Variants in SHISA9 observed in about 807,000 individuals in gnomAD.
SHISA9 encodes protein shisa-9.
SHISA9 carries 13 observed loss-of-function variants against 38.0 expected under a neutral mutation model. That is an observed-to-expected ratio of 0.34 (90% CI 0.22 to 0.54). SHISA9 has a LOEUF of 0.54. Ranked by LOEUF, SHISA9 falls within the 20% of genes least tolerant of loss-of-function variation. The pLI, the probability that SHISA9 is intolerant of heterozygous loss-of-function variation, is 0.91. For missense variants in SHISA9, 538 were observed against 575.8 expected, an observed-to-expected ratio of 0.93 and a Z score of 0.67; for synonymous variants, 275 against 242.0, an observed-to-expected ratio of 1.14 and a Z score of -1.27.
At chr16:12,961,505 A>G (rs573855337) in intron 2 of SHISA9, among the ~76,000 whole-genome samples, 26 of 152,282 alleles carry the variant, frequency 1.7e-4, no homozygotes, top group Non-Finnish European at 2.9e-4. Flanking sequence ...CCTCCTCACA[A>G]TGGCACGCTC....
intron 2 of SHISA9, among the ~76,000 whole-genome samples, chr16:13,159,599 A>C (rs1473266441): frequency 6.6e-6 from 1 of 152,204 alleles, no homozygotes; most frequent in Non-Finnish European, 1.5e-5. Flanking sequence ...CATTAATCAG[A>C]GCATCCTTTG....
At chr16:13,159,508 G>T (rs978218753) in intron 2 of SHISA9, among the ~76,000 whole-genome samples, 7 of 152,236 alleles carry the variant, frequency 4.6e-5, no homozygotes, top group Admixed American at 1.3e-4. Flanking sequence ...AGGATTGGGA[G>T]TAGTCTCGCT....
the SHISA9 span, among the ~76,000 whole-genome samples, chr16:13,367,710 G>GCACACACACACA: frequency 4.4e-5 from 4 of 90,578 alleles, no homozygotes; most frequent in African/African-American, 1.6e-4. Flanking sequence ...GCGCGCGCGC[G>GCACACACACACA]CGCACACACA....
chr16:13,207,007 G>A (rs1477836801), intron 3 of SHISA9, among the ~76,000 whole-genome samples: 1 of 152,184 alleles, frequency 6.6e-6, no homozygotes, highest in Non-Finnish European at 1.5e-5. Flanking sequence ...AATAACATAT[G>A]CCATTTTATT....
chr16:13,019,835 T>TCTTTCTTTTTCC lies in SHISA9; in HGVS notation c.691+103020_691+103021insCTTTCTTTTTCC, dbSNP rs1413894675. 5.3e-4 allele frequency among the ~76,000 whole-genome samples: 36 copies of TCTTTCTTTTTCC among 67,916 alleles called. 4 individuals are homozygous for TCTTTCTTTTTCC. Among genetic ancestry groups the TCTTTCTTTTTCC allele is most frequent in the South Asian group, 4.3e-3 (6 of 1,404 alleles). The allele number at this position is 67,916 out of a possible 152,430, so 44.6% of individuals were successfully genotyped here. ...TTCTTTCTTTCTTTCTTTCTTTCTTTTTCCTTCCTTCCCTCCCTCCCTCCC... is the reference window on the plus strand; with the variant it reads ...TTCTTTCTTTCTTTCTTTCTTTCTTTCTTTCTTTTTCCTTCCTTCCTTCCCTCCCTCCCTCCC... On this transcript the variant is annotated intron_variant, in intron 2 of 4. Coordinates refer to ENST00000558583, the MANE Select transcript of SHISA9 (RefSeq NM_001145204.3).
At chr16:13,167,295 C>G (rs1438170174) in intron 2 of SHISA9, among the ~76,000 whole-genome samples, 1 of 152,110 alleles carries the variant, frequency 6.6e-6, no homozygotes, top group Non-Finnish European at 1.5e-5. Context: ...TGGTATTGAA[C>G]TCCCGACCTC....
chr16:13,161,575 A>G (rs2050595377), intron 2 of SHISA9, among the ~76,000 whole-genome samples: 1 of 152,164 alleles, frequency 6.6e-6, no homozygotes, highest in Admixed American at 6.5e-5. Context: ...TTTCTGTCCC[A>G]GCCATCCCCT....
rs371232602 is a variant in SHISA9, at chr16:13,058,022, G to A, written c.691+141207G>A. 2.0e-4 allele frequency among the ~76,000 whole-genome samples: 30 copies of A among 152,310 alleles called. No individual in the cohort carries two copies. The South Asian group carries it at 2.7e-3, about 14-fold the overall frequency. ...CTGTATAATATTCCATGGTGAATAT[G>A]TTAAATAAGTGATTCTTAATCAACA... On this transcript the variant is annotated intron_variant, in intron 2 of 4. Coordinates refer to ENST00000558583, the MANE Select transcript of SHISA9 (RefSeq NM_001145204.3).
chr16:13,069,092 ATG>A lies in SHISA9; in HGVS notation c.692-134294_692-134293del, dbSNP rs199838928. Among the ~76,000 whole-genome samples the A allele has an allele frequency of 3.3e-3, 501 of 150,186 alleles. 6 individuals carry two copies. The highest frequency in any genetic ancestry group is 0.032 in the East Asian group (160 of 5,058). On this transcript the variant is annotated intron_variant, in intron 2 of 4. Coordinates refer to ENST00000558583, the MANE Select transcript of SHISA9 (RefSeq NM_001145204.3). ...GTGTACATGTGTACATGCAATGTGT[ATG>A]TGTGTGTATACATGTGTACATGCAA...
At chr16:13,072,182 G>T (rs552660748) in intron 2 of SHISA9, among the ~76,000 whole-genome samples, 1 of 152,248 alleles carries the variant, frequency 6.6e-6, no homozygotes, top group Admixed American at 6.5e-5. Context: ...TCCTCAAAGT[G>T]TCAAAGCCAC....
chr16:13,210,242 A>G (rs995055297), intron 3 of SHISA9, among the ~76,000 whole-genome samples: 1 of 152,184 alleles, frequency 6.6e-6, no homozygotes, highest in African/African-American at 2.4e-5. Flanking sequence ...CTGCACATTG[A>G]CATTTATCTT....
chr16:13,055,719 G>A (rs940494271), intron 2 of SHISA9, among the ~76,000 whole-genome samples: 9 of 152,178 alleles, frequency 5.9e-5, no homozygotes, highest in African/African-American at 2.2e-4. Context: ...GCCACCCAGG[G>A]AAACACTAAA....
chr16:13,539,494 T>C, the SHISA9 span, among the ~76,000 whole-genome samples: 3 of 151,722 alleles, frequency 2.0e-5, no homozygotes, highest in Non-Finnish European at 2.9e-5. Flanking sequence ...ATGCATTCTG[T>C]TGACATTAGC....
chr16:12,992,994 T>C (rs16960951), intron 2 of SHISA9, among the ~76,000 whole-genome samples: 3,119 of 152,324 alleles, frequency 0.02, 100 homozygotes, highest in African/African-American at 0.07. Flanking sequence ...GGATTGTCTG[T>C]GCAAACCATT....
chr16:13,401,494 C>T, the SHISA9 span, among the ~76,000 whole-genome samples: 1 of 152,192 alleles, frequency 6.6e-6, no homozygotes, highest in African/African-American at 2.4e-5. Context: ...GCCTAACCCC[C>T]CAGTGGGACT....
chr16:13,283,368 G>A, the SHISA9 span, among the ~76,000 whole-genome samples: 1 of 152,040 alleles, frequency 6.6e-6, no homozygotes, highest in South Asian at 2.1e-4. Flanking sequence ...GTATTAATCT[G>A]TTCTCACACT....
chr16:12,967,258 A>T (rs973036003), intron 2 of SHISA9, among the ~76,000 whole-genome samples: 1 of 152,202 alleles, frequency 6.6e-6, no homozygotes, highest in Non-Finnish European at 1.5e-5. Flanking sequence ...TGTCGTTTGT[A>T]GGGACATAGA....
rs149430771 is a variant in SHISA9, at chr16:12,928,284, G to A, written c.691+11469G>A. 7.3e-5 allele frequency among the ~76,000 whole-genome samples: 11 copies of A among 150,560 alleles called. No homozygotes were observed. The East Asian group carries it at 2.0e-3, about 27-fold the overall frequency. On this transcript the variant is annotated intron_variant, in intron 2 of 4. Coordinates refer to ENST00000558583, the MANE Select transcript of SHISA9 (RefSeq NM_001145204.3). ...GAGTACCTACTAAATACTAGGCACT[G>A]GGGCTTGTCATTAGGGGTGCAGAGG...
chr16:13,319,208 C>T, the SHISA9 span, among the ~76,000 whole-genome samples: 114 of 152,216 alleles, frequency 7.5e-4, no homozygotes, highest in African/African-American at 2.5e-3. Context: ...GGGGTTTCAC[C>T]GTATTGGCCA....
Sources: allele counts gnomAD v4.1 joint callset (sites outside exome capture counted in the v4.1 genomes callset), GRCh38; gene constraint gnomAD v4.1.1; transcripts MANE v1.5; gene names NCBI Gene and HGNC (gene_info 2026-07-23, HGNC 2026-07-21).